Variants in LEPR observed in about 807,000 individuals in gnomAD.
LEPR encodes the protein OB receptor.
LEPR carries 56 observed loss-of-function variants against 114.7 expected under a neutral mutation model. That is an observed-to-expected ratio of 0.49 (90% CI 0.39 to 0.61). The LOEUF is 0.61. Ranked by LOEUF, LEPR falls within the 20% of genes least tolerant of loss-of-function variation. LEPR has a pLI of 0.00. For synonymous variants in LEPR, 443 were observed against 461.4 expected (o/e 0.96, Z 0.51); for missense variants, 1,202 against 1,352.9 (o/e 0.89, Z 1.75).
intron 2 of LEPR, among the ~76,000 whole-genome samples, chr1:65,449,511 A>G (rs1467131618): frequency 6.6e-6 from 1 of 151,968 alleles, no homozygotes; most frequent in African/African-American, 2.4e-5. Flanking sequence ...AGGACATCAG[A>G]GGACTCGAAC....
At chr1:65,487,511 A>G (rs987545185) in intron 2 of LEPR, among the ~76,000 whole-genome samples, 1 of 151,912 alleles carries the variant, frequency 6.6e-6, no homozygotes, top group Admixed American at 6.6e-5. Flanking sequence ...ATATAAATTT[A>G]AATCTAAATA....
At chr1:65,481,947 T>C (rs1206525114) in intron 2 of LEPR, among the ~76,000 whole-genome samples, 1 of 151,872 alleles carries the variant, frequency 6.6e-6, no homozygotes, top group African/African-American at 2.4e-5. Context: ...GATGATTTAA[T>C]ATGGAACACC....
chr1:65,507,005 T>C (rs1482525213), intron 2 of LEPR, among the ~76,000 whole-genome samples: 1 of 152,154 alleles, frequency 6.6e-6, no homozygotes, highest in East Asian at 1.9e-4. Flanking sequence ...GAGTTTGACT[T>C]TTTAAGATTC....
rs1051035535 is a variant in LEPR, at chr1:65,639,560, G to A, written c.*2545G>A. On this transcript the variant is annotated 3_prime_UTR_variant, in exon 20 of 20. Transcript: ENST00000349533. Reference sequence around the variant, plus strand: ...ATGTTTTATGCCTCAGAATGGTCAGGAACTTCCCATTTCTTCCCACAGCTT... The same window carrying A: ...ATGTTTTATGCCTCAGAATGGTCAGAAACTTCCCATTTCTTCCCACAGCTT... The A allele has an allele frequency of 3.9e-5, 6 of 152,068 alleles. No individual in the cohort carries two copies. The highest frequency in any genetic ancestry group is 8.8e-5 in the Non-Finnish European group (6 of 68,012). The allele number at this position is 152,068 out of a possible 1,614,324, so 9.4% of individuals were successfully genotyped here.
At chr1:65,488,218 C>CTTTCTTTCTTTCTTTCTTTCTT (rs1189228267) in intron 2 of LEPR, among the ~76,000 whole-genome samples, 27 of 65,504 alleles carry the variant, frequency 4.1e-4, no homozygotes, top group Non-Finnish European at 5.8e-4. Context: ...CTTTCTCTCT[C>CTTTCTTTCTTTCTTTCTTTCTT]TCTCTCTCTC....
intron 2 of LEPR, among the ~76,000 whole-genome samples, chr1:65,558,547 T>TTG (rs1292007511): frequency 2.2e-4 from 7 of 32,148 alleles, no homozygotes; most frequent in Non-Finnish European, 4.0e-4. Flanking sequence ...TGTTTTTTTT[T>TTG]TGTTTTTTTT....
chr1:65,454,255 T>A (rs1177383799), intron 2 of LEPR, among the ~76,000 whole-genome samples: 1 of 152,226 alleles, frequency 6.6e-6, no homozygotes, highest in African/African-American at 2.4e-5. Flanking sequence ...GTCTGTGTCT[T>A]TTAATTGGAA....
intron 2 of LEPR, among the ~76,000 whole-genome samples, chr1:65,534,939 A>G (rs1027467025): frequency 6.6e-6 from 1 of 152,190 alleles, no homozygotes; most frequent in African/African-American, 2.4e-5. Flanking sequence ...AATTAATTAT[A>G]CTTTCTTATT....
At chr1:65,549,492 C>T (rs1303039735) in intron 2 of LEPR, among the ~76,000 whole-genome samples, 2 of 152,180 alleles carry the variant, frequency 1.3e-5, no homozygotes, top group Non-Finnish European at 2.9e-5. Flanking sequence ...TCCCATATTT[C>T]TTGGAGGCTT....
At position 65,620,632 on chromosome 1, in the gene LEPR, G is replaced by A. The variant is rs1657822059; in HGVS notation, c.2491+609G>A. ...CCAGAAATGGTCTTTCTATGGAGGT[G>A]GATGATATTCGAGTAAAACCTTGCA... On this transcript the variant is annotated intron_variant, in intron 17 of 19. Coordinates refer to ENST00000349533, the MANE Select transcript of LEPR (RefSeq NM_002303.6). Among the ~76,000 whole-genome samples, 4 of 152,068 alleles carry A rather than the reference G, an allele frequency of 2.6e-5. No homozygotes were observed. In the South Asian group the frequency reaches 8.3e-4, roughly 32 times the overall value.
chr1:65,421,017 C>T (rs140779823), intron 1 of LEPR, among the ~76,000 whole-genome samples: 52 of 152,320 alleles, frequency 3.4e-4, no homozygotes, highest in African/African-American at 1.2e-3. Flanking sequence ...TCGGCGAGAG[C>T]GGCGCCCTCC....
Position 65,618,132 on chromosome 1 carries a change from A to G in LEPR, c.2381A>G (p.Lys794Arg). ...KWLRISSSVKKYYIHDHFIPI... is the reference protein window; with the variant it reads ...KWLRISSSVKRYYIHDHFIPI... ...CTTAGAATCTCTTCATCTGTTAAGA[A>G]GTATTATATCCATGGTAAGTTTACT... Residue 794 changes from lysine (K) to arginine (R), a missense_variant, in exon 16 of 20, where the codon AAG becomes AGG. Transcript: ENST00000349533. 6.2e-7 allele frequency: 1 copy of G among 1,607,372 alleles called. No individual in the cohort carries two copies. The highest frequency in any genetic ancestry group is 8.5e-7 in the Non-Finnish European group (1 of 1,176,856).
intron 2 of LEPR, among the ~76,000 whole-genome samples, chr1:65,546,527 C>A (rs1257695248): frequency 9.9e-5 from 15 of 152,110 alleles, no homozygotes; most frequent in African/African-American, 3.1e-4. Flanking sequence ...CCTTCACATC[C>A]CTTGTAAGCT....
intron 2 of LEPR, chr1:65,433,994 C>T: frequency 7.1e-6 from 7 of 985,164 alleles, no homozygotes; most frequent in Non-Finnish European, 8.4e-6. Flanking sequence ...TCTAAGATGG[C>T]AATAATGATT....
intron 2 of LEPR, among the ~76,000 whole-genome samples, chr1:65,557,143 T>G (rs934812950): frequency 3.0e-4 from 45 of 152,194 alleles, no homozygotes; most frequent in African/African-American, 9.9e-4. Context: ...AGGATGTTCA[T>G]GAGGATGTTA....
At chr1:65,582,274 G>T (rs1236820390) in intron 5 of LEPR, among the ~76,000 whole-genome samples, 1 of 152,204 alleles carries the variant, frequency 6.6e-6, no homozygotes, top group Non-Finnish European at 1.5e-5. Flanking sequence ...TGGGAAAGGA[G>T]TATCTGCTTC....
At chr1:65,432,290 G>A in intron 2 of LEPR, 1 of 995,610 alleles carries the variant, frequency 1.0e-6, no homozygotes, top group Non-Finnish European at 1.2e-6. Context: ...TCATGACCCA[G>A]GAAGGCCGGG....
At chr1:65,444,903 C>T (rs1376096372) in intron 2 of LEPR, among the ~76,000 whole-genome samples, 1 of 152,134 alleles carries the variant, frequency 6.6e-6, no homozygotes, top group Non-Finnish European at 1.5e-5. Context: ...TGGAAAATCT[C>T]GAGGCTCTTC....
At chr1:65,546,957 G>C (rs1651790695) in intron 2 of LEPR, among the ~76,000 whole-genome samples, 1 of 152,050 alleles carries the variant, frequency 6.6e-6, no homozygotes, top group South Asian at 2.1e-4. Flanking sequence ...GTCATAGATA[G>C]CTCATTATTT....
Sources: allele counts gnomAD v4.1 joint callset (sites outside exome capture counted in the v4.1 genomes callset), GRCh38; gene constraint gnomAD v4.1.1; transcripts MANE v1.5; gene names NCBI Gene and HGNC (gene_info 2026-07-23, HGNC 2026-07-21).